Variants in NCAPG2 observed in about 807,000 individuals in gnomAD.
The protein encoded by NCAPG2 is condensin-2 complex subunit G2.
A neutral mutation model predicts 141.1 loss-of-function variants in NCAPG2; 53 were observed. The observed-to-expected ratio is 0.38, with a 90% CI of 0.30 to 0.47. The LOEUF (loss-of-function observed/expected upper bound fraction) is 0.47. NCAPG2 is among the 20% of genes least tolerant of loss of function. The pLI is 0.99. For synonymous variants in NCAPG2, 499 were observed against 490.7 expected, an observed-to-expected ratio of 1.02 and a Z score of -0.22; for missense variants, 1,087 against 1,389.0, an observed-to-expected ratio of 0.78 and a Z score of 3.46.
rs1446070893 is a variant in NCAPG2, at chr7:158,633,680, TCAG to T, written c.3381-1966_3381-1964del. The stretch of plus-strand genomic sequence containing the variant: ...CCTGTCAGCCCAGCAACTGCCTGGC[TCAG>T]CAGCAGTGCAGCCAGAGGCAAGACA... On this transcript the variant is annotated intron_variant, in intron 27 of 27. Coordinates refer to ENST00000356309, the MANE Select transcript of NCAPG2 (RefSeq NM_017760.7). The surrounding 1 kb of genome is among the most constrained non-coding windows in gnomAD (Gnocchi z 4.1). 7.2e-5 allele frequency among the ~76,000 whole-genome samples: 11 copies of T among 152,134 alleles called. No homozygotes were observed. The highest frequency in any genetic ancestry group is 1.5e-4 in the Non-Finnish European group (10 of 68,026).
At chr7:158,656,825 T>C in intron 17 of NCAPG2, 120 bp from the exon 18 acceptor site, 2 of 1,165,360 alleles carry the variant, frequency 1.7e-6, no homozygotes, top group Non-Finnish European at 2.4e-6. Context: ...TGTTATTATA[T>C]TAGCACTTCC....
chr7:158,647,225 T>C (rs1831089920), intron 24 of NCAPG2, among the ~76,000 whole-genome samples: 1 of 152,224 alleles, frequency 6.6e-6, no homozygotes, highest in African/African-American at 2.4e-5. Flanking sequence ...ATCTCAGCAC[T>C]ACTGACCTGA....
intron 13 of NCAPG2, among the ~76,000 whole-genome samples, chr7:158,666,968 G>A (rs898919702): frequency 2.6e-5 from 4 of 152,098 alleles, no homozygotes; most frequent in African/African-American, 7.2e-5. Flanking sequence ...AGGTGTGCAC[G>A]CCAGGCCCGG....
At chr7:158,699,823 T>G (rs1835675250) in intron 2 of NCAPG2, among the ~76,000 whole-genome samples, 1 of 152,220 alleles carries the variant, frequency 6.6e-6, no homozygotes, top group Non-Finnish European at 1.5e-5. Context: ...ATTTAACATA[T>G]AAAATTATGC....
chr7:158,631,653 G>C lies in NCAPG2; in HGVS notation c.*13C>G. On this transcript the variant is annotated 3_prime_UTR_variant, in exon 28 of 28. Coordinates refer to ENST00000356309, the MANE Select transcript of NCAPG2 (RefSeq NM_017760.7). ...TTTTCCCTATTTTTACATGTCTGGA[G>C]ATGTTGGCTTGGTTATGAATTCAAA... is the stretch of plus-strand genomic sequence containing the variant. 1 of 1,571,620 alleles carries C rather than the reference G, an allele frequency of 6.4e-7. No individual in the cohort carries two copies. The highest frequency in any genetic ancestry group is 1.1e-5 in the South Asian group (1 of 89,840).
chr7:158,642,006 A>T (rs1183412004), intron 27 of NCAPG2, among the ~76,000 whole-genome samples: 1 of 152,194 alleles, frequency 6.6e-6, no homozygotes, highest in African/African-American at 2.4e-5. Context: ...GCCATAAGAC[A>T]CACCTTCACG....
At chr7:158,704,355 G>A (rs1836024556) in intron 1 of NCAPG2, among the ~76,000 whole-genome samples, 1 of 149,306 alleles carries the variant, frequency 6.7e-6, no homozygotes, top group Non-Finnish European at 1.5e-5. Flanking sequence ...CCATGCCCAG[G>A]ACAGAGGAGG....
intron 27 of NCAPG2, among the ~76,000 whole-genome samples, chr7:158,632,558 A>C (rs1476770073): frequency 6.6e-6 from 1 of 152,200 alleles, no homozygotes; most frequent in Non-Finnish European, 1.5e-5. Flanking sequence ...CTCCAAATGA[A>C]TCTCAGCGAG....
chr7:158,675,904 GCT>G (rs1217718965), intron 11 of NCAPG2, among the ~76,000 whole-genome samples: 5 of 152,152 alleles, frequency 3.3e-5, no homozygotes, highest in Non-Finnish European at 5.9e-5. Context: ...CTCAAAACCA[GCT>G]CTGTCATTCA....
chr7:158,688,510 G>A (rs993364625), intron 6 of NCAPG2, among the ~76,000 whole-genome samples: 1 of 152,264 alleles, frequency 6.6e-6, no homozygotes, highest in Non-Finnish European at 1.5e-5. Flanking sequence ...AACAATCCTG[G>A]AGACATGTGT....
At chr7:158,666,651 GCA>G (rs1832964372) in intron 13 of NCAPG2, among the ~76,000 whole-genome samples, 1 of 151,684 alleles carries the variant, frequency 6.6e-6, no homozygotes, top group African/African-American at 2.4e-5. Context: ...TATTGGCTGG[GCA>G]CAGTGGCTCC....
intron 16 of NCAPG2, among the ~76,000 whole-genome samples, chr7:158,659,025 TAAAAAA>T (rs55893307): frequency 1.0e-5 from 1 of 97,740 alleles, no homozygotes; most frequent in Non-Finnish European, 2.0e-5. Flanking sequence ...GCATTATATT[TAAAAAA>T]AAAAAAAAAA....
intron 13 of NCAPG2, among the ~76,000 whole-genome samples, chr7:158,669,768 C>CAAATAAAAAAA (rs1833556325): frequency 1.9e-5 from 1 of 53,672 alleles, no homozygotes; most frequent in African/African-American, 7.5e-5. Flanking sequence ...GACTCTGTCT[C>CAAATAAAAAAA]AAAAAAAAAA....
chr7:158,637,542 G>GC (rs1442708077), intron 27 of NCAPG2, among the ~76,000 whole-genome samples: 1 of 152,112 alleles, frequency 6.6e-6, no homozygotes, highest in African/African-American at 2.4e-5. Context: ...ACAGGAGCCT[G>GC]TGGGACTCAA....
intron 24 of NCAPG2, among the ~76,000 whole-genome samples, chr7:158,650,536 C>T (rs147127591): frequency 7.1e-4 from 108 of 152,302 alleles, no homozygotes; most frequent in Middle Eastern, 6.8e-3. Flanking sequence ...AGAAACTTAT[C>T]AACTCATTTA....
chr7:158,658,401 C>G lies in NCAPG2; in HGVS notation c.1997G>C (p.Arg666Pro), dbSNP rs370630902. 1.2e-6 allele frequency: 2 copies of G among 1,609,360 alleles called. No homozygotes were observed. Among genetic ancestry groups the G allele is most frequent in the Admixed American group, 3.4e-5 (2 of 59,548 alleles). The part of the protein sequence containing the change: ...PEYLKVFKDD[R>P]CKIPLFMLMS... ...TAGCATGAATAAAGGGATCTTGCAG[C>G]GATCATCCTAAAAGCGAAAAAAGAA... Residue 666 changes from arginine to proline, a missense_variant, in exon 17 of 28, where the codon CGC (arginine) becomes CCC (proline). Arg to Pro is a moderately radical substitution (Grantham distance 103). Transcript: ENST00000356309.
In NCAPG2 at chr7:158,656,332, C is replaced by A. The variant is rs1587129758; in HGVS notation, c.2316G>T (p.Lys772Asn). ...VYIEYLLTHPKNRECLLSAPR... is the reference protein window; with the variant it reads ...VYIEYLLTHPNNRECLLSAPR... Reference sequence around the variant, plus strand: ...GAGCAGAGAGCAAGCACTCGCGGTTCTTTGGATGAGTCAGCAGATACTCAA... The same window carrying A: ...GAGCAGAGAGCAAGCACTCGCGGTTATTTGGATGAGTCAGCAGATACTCAA... Residue 772 changes from lysine (K) to asparagine (N), a missense_variant, in exon 19 of 28, where the codon AAG (lysine) becomes AAT (asparagine). By Grantham distance (94) the Lys-to-Asn change is moderately conservative. Transcript: ENST00000356309. 6.2e-7 allele frequency: 1 copy of A among 1,614,158 alleles called. No individual in the cohort carries two copies. Among genetic ancestry groups the A allele is most frequent in the Non-Finnish European group, 8.5e-7 (1 of 1,180,022 alleles).
intron 27 of NCAPG2, among the ~76,000 whole-genome samples, chr7:158,637,028 A>G (rs1039523435): frequency 1.8e-4 from 27 of 151,580 alleles, no homozygotes; most frequent in Non-Finnish European, 2.8e-4. Flanking sequence ...GCTCACTGCA[A>G]GTTCCGCCTC....
chr7:158,697,626 A>C (rs554579062), intron 2 of NCAPG2, among the ~76,000 whole-genome samples: 11 of 152,180 alleles, frequency 7.2e-5, no homozygotes, highest in Admixed American at 7.2e-4. Context: ...AAAAGTAAAA[A>C]TAGAAAAAAG....
Sources: gnomAD v4.1 joint callset for allele counts (sites outside exome capture counted in the v4.1 genomes callset) on GRCh38, gnomAD v4.1.1 for gene constraint, Gnocchi (gnomAD v3.1) non-coding constraint, MANE v1.5 for transcripts, NCBI Gene and HGNC (gene_info 2026-07-23, HGNC 2026-07-21) for gene names.